The following DNAH17 variants were observed in gnomAD, a reference collection of about 807,000 sequenced individuals.
The protein encoded by DNAH17 is axonemal beta dynein heavy chain 17.
A neutral mutation model predicts 485.6 loss-of-function variants in DNAH17; 376 were observed. The observed-to-expected ratio is 0.77, with a 90% CI of 0.71 to 0.84. The LOEUF is 0.84. Among genes scored for constraint, DNAH17 ranks in the 40% least tolerant of loss-of-function variants. The pLI is 0.00. For synonymous variants in DNAH17, 3,031 were observed against 2,405.9 expected (o/e 1.26, Z -7.60); for missense variants, 6,370 against 5,839.3 (o/e 1.09, Z -2.96).
intron 18 of DNAH17, among the ~76,000 whole-genome samples, chr17:78,539,100 G>A (rs780193951): frequency 3.9e-5 from 6 of 151,926 alleles, no homozygotes; most frequent in East Asian, 1.9e-4. Flanking sequence ...GCGTGGTGGC[G>A]GGCACCTATA....
rs1435935273 is a variant in DNAH17, at chr17:78,439,094, A to G, written c.11801T>C (p.Leu3934Pro). 6.2e-7 allele frequency: 1 copy of G among 1,613,260 alleles called. No individual in the cohort carries two copies. The highest frequency in any genetic ancestry group is 8.5e-7 in the Non-Finnish European group (1 of 1,179,736). Residue 3934 changes from leucine (L) to proline (P), a missense_variant, in exon 73 of 81, where the codon CTG becomes CCG. Coordinates refer to ENST00000389840, the MANE Select transcript of DNAH17 (RefSeq NM_173628.4). The stretch of plus-strand genomic sequence containing the variant: ...GCAGTGCTGGCCCCCTCGTACCTGC[A>G]GAATGACCCAGTGTCCTTTCTCTGC... ...VAAEKGHWVI[L>P]QNIHLVARWL... is the part of the protein sequence containing the mutation.
rs1033553098 is a variant in DNAH17 at position 78,423,742 on chromosome 17, A to C, written c.*164T>G. 1.6e-5 allele frequency: 15 copies of C among 914,156 alleles called. No individual in the cohort carries two copies. The Middle Eastern group carries it at 1.4e-3, about 85-fold the overall frequency. The allele number at this position is 914,156 out of a possible 1,614,324, so 56.6% of individuals were successfully genotyped here. ...AATCTGCCCCACCTCTTCCACACCA[A>C]CCTCCACCCTCTGGTTCCGATGTGC... is the stretch of plus-strand genomic sequence containing the variant. On this transcript the variant is annotated 3_prime_UTR_variant, in exon 81 of 81. Transcript: ENST00000389840.
intron 37 of DNAH17, among the ~76,000 whole-genome samples, chr17:78,498,317 T>A (rs2090147620): frequency 6.6e-6 from 1 of 152,202 alleles, no homozygotes; most frequent in Admixed American, 6.5e-5. Context: ...CGCCCTGACT[T>A]GCATTTCCTT....
chr17:78,453,434 C>T lies in DNAH17; in HGVS notation c.10438G>A (p.Glu3480Lys), dbSNP rs768288144. 1 of 1,613,972 alleles carries T rather than the reference C, an allele frequency of 6.2e-7. No individual in the cohort carries two copies. The highest frequency in any genetic ancestry group is 1.1e-5 in the South Asian group (1 of 91,072). The part of the protein sequence containing the change: ...YLDVIEQAIS[E>K]GDTLLIENIG... The stretch of plus-strand genomic sequence containing the variant: ...TTCTCAATGAGCAAGGTGTCCCCTT[C>T]CGAGATGGCCTGCTCGATGACATCC... Residue 3480 changes from glutamate (E) to lysine (K), a missense_variant, in exon 65 of 81, where the codon GAA becomes AAA. Coordinates refer to ENST00000389840, the MANE Select transcript of DNAH17 (RefSeq NM_173628.4).
chr17:78,504,261 C>T (rs1598605167), intron 31 of DNAH17, among the ~76,000 whole-genome samples: 2 of 152,164 alleles, frequency 1.3e-5, no homozygotes, highest in Admixed American at 6.5e-5. Context: ...AGACCAGTTT[C>T]GCCGTGTTAG....
Position 78,451,568 on chromosome 17 carries a change from C to A in DNAH17, c.10635G>T (p.Gln3545His), listed in dbSNP as rs754229830. 4 of 1,613,692 alleles carry A rather than the reference C, an allele frequency of 2.5e-6. No homozygotes were observed. The South Asian group carries it at 3.3e-5, about 13-fold the overall frequency. Residue 3545 changes from glutamine (Q) to histidine (H), a missense_variant, in exon 66 of 81, where the codon CAG becomes CAT. Physicochemically the swap from Gln to His is conservative, Grantham distance 24 (BLOSUM62 0). Coordinates refer to ENST00000389840, the MANE Select transcript of DNAH17 (RefSeq NM_173628.4). ...NPHYKPEMQA[Q>H]CTLINFLVTR... ...TGACCAGGAAGTTGATGAGGGTGCA[C>A]TGAGCCTGCATCTCTGGCTTGTAGT...
At position 78,459,215 on chromosome 17, in the gene DNAH17, A is replaced by T; in HGVS notation, c.9654-7T>A. 1 of 1,613,250 alleles carries T rather than the reference A, an allele frequency of 6.2e-7. No individual in the cohort carries two copies. The highest frequency in any genetic ancestry group is 8.5e-7 in the Non-Finnish European group (1 of 1,179,622). On this transcript the variant is annotated splice_region_variant and splice_polypyrimidine_tract_variant and intron_variant, in intron 60 of 80. Coordinates refer to ENST00000389840, the MANE Select transcript of DNAH17 (RefSeq NM_173628.4). ...CGGGTTGCCTTGGTAGGGCCTAGCG[A>T]GGGAACCAGAGGGCCGGAGTCGTCA... is the stretch of plus-strand genomic sequence containing the variant.
chr17:78,531,591 G>A (rs2091240358), intron 20 of DNAH17, among the ~76,000 whole-genome samples: 1 of 152,124 alleles, frequency 6.6e-6, no homozygotes, highest in Non-Finnish European at 1.5e-5. Flanking sequence ...AACCGCCTCG[G>A]CCTCCCAAAG....
At chr17:78,498,577 G>T (rs1241905376) in intron 37 of DNAH17, among the ~76,000 whole-genome samples, 2 of 152,304 alleles carry the variant, frequency 1.3e-5, no homozygotes, top group East Asian at 3.9e-4. Context: ...TCCGCTGCAC[G>T]CTCTGTGCCC....
chr17:78,509,505 T>C (rs766948020), intron 27 of DNAH17, among the ~76,000 whole-genome samples: 11 of 152,236 alleles, frequency 7.2e-5, no homozygotes, highest in Non-Finnish European at 1.5e-4. Context: ...ATGTGAATTA[T>C]ATCTAATAAA....
Position 78,444,722 on chromosome 17 carries a change from C to G in DNAH17, c.11410G>C (p.Val3804Leu), listed in dbSNP as rs753950997. ...TCCTTCTCGGGGGCTTCCGACTCCA[C>G]CAGCTTTTTCCAGCGCTTGGCAGAT... ...EGSAKRWKKLVESEAPEKEIF... is the reference protein window; with the variant it reads ...EGSAKRWKKLLESEAPEKEIF... The change falls in exon 71 of 81, where the codon GTG (valine) becomes CTG (leucine). Residue 3804 changes from valine to leucine, a missense_variant. By Grantham distance (32) the Val-to-Leu change is conservative. Coordinates refer to ENST00000389840, the MANE Select transcript of DNAH17 (RefSeq NM_173628.4). 5.6e-6 allele frequency: 9 copies of G among 1,605,822 alleles called. No individual in the cohort carries two copies. The highest frequency in any genetic ancestry group is 7.6e-6 in the Non-Finnish European group (9 of 1,177,470).
At chr17:78,545,891 G>A (rs1036864640) in intron 16 of DNAH17, among the ~76,000 whole-genome samples, 1 of 151,966 alleles carries the variant, frequency 6.6e-6, no homozygotes, top group Non-Finnish European at 1.5e-5. Context: ...TTTGCCTCTA[G>A]TTGTTCTTTG....
In DNAH17 at chr17:78,519,296, C is replaced by T. The variant is rs149873340; in HGVS notation, c.3865-4274G>A. ...GAATGTAATATCAAAATACGTGGGA[C>T]GCAGCTAATGTAGAGAGGGAAATTT... On this transcript the variant is annotated intron_variant, in intron 25 of 80. Transcript: ENST00000389840. Among the ~76,000 whole-genome samples, 677 of 151,322 alleles carry T rather than the reference C, an allele frequency of 4.5e-3. 4 individuals are homozygous for T. The Middle Eastern group carries it at 0.045, about 10-fold the overall frequency.
intron 13 of DNAH17, among the ~76,000 whole-genome samples, chr17:78,559,752 G>A (rs1267512206): frequency 3.3e-5 from 5 of 152,116 alleles, no homozygotes; most frequent in African/African-American, 1.2e-4. Context: ...GTCCCTCTGT[G>A]GTCCATGGGG....
chr17:78,453,639 C>A (rs2087653260), intron 64 of DNAH17, among the ~76,000 whole-genome samples, 174 bp from the exon 65 acceptor site: 1 of 152,246 alleles, frequency 6.6e-6, no homozygotes, highest in Non-Finnish European at 1.5e-5. Context: ...AGCCGAGGGG[C>A]TTCTTTGTAA....
intron 38 of DNAH17, among the ~76,000 whole-genome samples, 199 bp from the exon 39 acceptor site, chr17:78,495,296 G>C (rs899688503): frequency 6.6e-6 from 1 of 152,152 alleles, no homozygotes; most frequent in African/African-American, 2.4e-5. Context: ...TCCACTGGGT[G>C]CACCTTCAGG....
rs1346782022 is a variant in DNAH17 at position 78,461,613 on chromosome 17, C to T, written c.9270G>A (p.Glu3090=). The change falls in exon 58 of 81, where the codon GAG becomes GAA. Residue 3090 remains glutamate, a synonymous_variant. Transcript: ENST00000389840. ...ADQLIQVVGI[E]AEKVSKEKAI... is the part of the protein sequence containing the mutation. ...CCTTCTCTTTGCTGACCTTCTCGGC[C>T]TCGATGCCGACCACCTGGATCAGTT... 6.2e-7 allele frequency: 1 copy of T among 1,609,330 alleles called. No individual in the cohort carries two copies. Among genetic ancestry groups the T allele is most frequent in the Non-Finnish European group, 8.5e-7 (1 of 1,178,256 alleles).
chr17:78,500,319 G>A lies in DNAH17; in HGVS notation c.5626C>T (p.Gln1876Ter), dbSNP rs781752575. Residue 1876 changes from glutamine (Q) to a stop codon, truncating the protein, a stop_gained, in exon 36 of 81, where the codon CAG becomes TAG. Coordinates refer to ENST00000389840, the MANE Select transcript of DNAH17 (RefSeq NM_173628.4). LOFTEE classifies it high-confidence loss of function. ...TMVYVFNCSE[Q>*]MDYKSCGNIY... Reference sequence around the variant, plus strand: ...CGGCCGCGTACCTTGTAGTCCATCTGCTCGGAGCAGTTGAAGACGTAGACC... The same window carrying A: ...CGGCCGCGTACCTTGTAGTCCATCTACTCGGAGCAGTTGAAGACGTAGACC... 8 of 1,611,852 alleles carry A rather than the reference G, an allele frequency of 5.0e-6. No homozygotes were observed. The highest frequency in any genetic ancestry group is 2.2e-5 in the East Asian group (1 of 44,760).
At position 78,539,788 on chromosome 17, in the gene DNAH17, G is replaced by A; in HGVS notation, c.2625C>T (p.Asp875=). Residue 875 remains aspartate (D), a synonymous_variant, in exon 18 of 81, where the codon GAC becomes GAT. Transcript: ENST00000389840. ...YIDDMVLDEF[D]QFIRKSLSFL... is the part of the protein sequence containing the mutation. Reference sequence around the variant, plus strand: ...AACTCAGAGATTTGCGAATGAACTGGTCAAATTCATCTAAGACCATGTCGT... The same window carrying A: ...AACTCAGAGATTTGCGAATGAACTGATCAAATTCATCTAAGACCATGTCGT... The A allele has an allele frequency of 1.2e-6, 2 of 1,611,858 alleles. No individual in the cohort carries two copies. The highest frequency in any genetic ancestry group is 1.7e-5 in the Admixed American group (1 of 59,882).
Sources: gnomAD v4.1 joint callset for allele counts (sites outside exome capture counted in the v4.1 genomes callset) on GRCh38, gnomAD v4.1.1 for gene constraint, MANE v1.5 for transcripts, NCBI Gene and HGNC (gene_info 2026-07-23, HGNC 2026-07-21) for gene names.